The following TTC7B variants were observed in gnomAD, a reference collection of about 807,000 sequenced individuals.
TTC7B encodes the protein tetratricopeptide repeat protein 7B.
Under a neutral mutation model 106.8 loss-of-function variants are expected in TTC7B, and 28 were observed. The observed-to-expected ratio is 0.26, with a 90% confidence interval of 0.19 to 0.36. TTC7B has a LOEUF of 0.36. Ranked by LOEUF, TTC7B falls within the 10% of genes least tolerant of loss-of-function variation. TTC7B has a pLI of 1.00. For synonymous variants in TTC7B, 405 were observed against 430.6 expected, an observed-to-expected ratio of 0.94 and a Z score of 0.74; for missense variants, 862 against 1,076.4, an observed-to-expected ratio of 0.80 and a Z score of 2.79.
intron 1 of TTC7B, among the ~76,000 whole-genome samples, chr14:90,793,424 T>C (rs1376096956): frequency 6.7e-6 from 1 of 150,154 alleles, no homozygotes; most frequent in Non-Finnish European, 1.5e-5. Flanking sequence ...CTCAGGAGGC[T>C]GAGGCAGGAA....
chr14:90,597,377 G>C lies in TTC7B; in HGVS notation c.1967-3751C>G, dbSNP rs552993195. ...GCTGGTTAAAAAACAAACCAAGCAG[G>C]CCAGGCGCGGTGGCTCATGCCTGTA... On this transcript the variant is annotated intron_variant, in intron 17 of 19. Coordinates refer to ENST00000328459, the MANE Select transcript of TTC7B (RefSeq NM_001010854.2). Among the ~76,000 whole-genome samples the C allele has an allele frequency of 1.4e-4, 22 of 152,274 alleles. No homozygotes were observed. In the East Asian group the frequency reaches 2.3e-3, roughly 16 times the overall value.
chr14:90,653,745 T>C (rs896111277), intron 12 of TTC7B, among the ~76,000 whole-genome samples: 2 of 152,086 alleles, frequency 1.3e-5, no homozygotes, highest in Non-Finnish European at 2.9e-5. Context: ...CTGGAGACCA[T>C]GGCTAACTTA....
chr14:90,680,142 A>G (rs1197371831), intron 8 of TTC7B, among the ~76,000 whole-genome samples: 1 of 152,254 alleles, frequency 6.6e-6, no homozygotes, highest in African/African-American at 2.4e-5. Context: ...AGGTTCCTCC[A>G]GTGGTCATTT....
intron 1 of TTC7B, among the ~76,000 whole-genome samples, chr14:90,789,798 A>C (rs1891517781): frequency 6.6e-6 from 1 of 151,778 alleles, no homozygotes; most frequent in Non-Finnish European, 1.5e-5. Flanking sequence ...CGGGAGGCTG[A>C]GGCAGGAGAA....
intron 18 of TTC7B, among the ~76,000 whole-genome samples, chr14:90,583,322 A>G (rs1410946463): frequency 6.6e-6 from 1 of 152,252 alleles, no homozygotes; most frequent in Non-Finnish European, 1.5e-5. Flanking sequence ...ACAACTTAGT[A>G]GGTGCTCAAG....
intron 1 of TTC7B, among the ~76,000 whole-genome samples, chr14:90,792,218 T>A (rs1253559698): frequency 6.6e-6 from 1 of 152,146 alleles, no homozygotes; most frequent in African/African-American, 2.4e-5. Context: ...TTCTCTGATC[T>A]CCTGATGCTG....
intron 3 of TTC7B, among the ~76,000 whole-genome samples, chr14:90,771,901 A>C (rs892649255): frequency 6.1e-4 from 90 of 146,586 alleles, no homozygotes; most frequent in Admixed American, 1.0e-3. Context: ...ATATATATGT[A>C]TATATTTCTT....
At chr14:90,699,411 AG>A (rs1887896011) in intron 5 of TTC7B, 1 of 349,764 alleles carries the variant, frequency 2.9e-6, no homozygotes, top group Non-Finnish European at 5.5e-6. Flanking sequence ...TCTTGGGAGT[AG>A]GGTGGGAAAA....
chr14:90,718,033 T>C (rs542881789), intron 5 of TTC7B, among the ~76,000 whole-genome samples: 1 of 152,386 alleles, frequency 6.6e-6, no homozygotes, highest in African/African-American at 2.4e-5. Flanking sequence ...ACTCATGTGT[T>C]ATTTCAATGG....
rs1332217819 is a variant in TTC7B at position 90,608,442 on chromosome 14, C to T, written c.1966+2300G>A. ...CTCAGAAGGACTCGCGTGGATGACTCAACAATGAAACCGTCTGTGGCAGTG... is the reference window on the plus strand; with the variant it reads ...CTCAGAAGGACTCGCGTGGATGACTTAACAATGAAACCGTCTGTGGCAGTG... On this transcript the variant is annotated intron_variant, in intron 17 of 19. Coordinates refer to ENST00000328459, the MANE Select transcript of TTC7B (RefSeq NM_001010854.2). The surrounding 1 kb of genome is among the most constrained non-coding windows in gnomAD (Gnocchi z 5.1). Among the ~76,000 whole-genome samples the T allele has an allele frequency of 6.6e-6, 1 of 152,028 alleles. No individual in the cohort carries two copies. The highest frequency in any genetic ancestry group is 2.4e-5 in the African/African-American group (1 of 41,390).
chr14:90,798,163 G>T (rs1346275098), intron 1 of TTC7B, among the ~76,000 whole-genome samples: 1 of 152,156 alleles, frequency 6.6e-6, no homozygotes, highest in Non-Finnish European at 1.5e-5. Flanking sequence ...CCTGCTGAAC[G>T]ATAAAAGGCC....
chr14:90,639,790 A>C (rs1885093504), intron 15 of TTC7B, among the ~76,000 whole-genome samples: 1 of 152,190 alleles, frequency 6.6e-6, no homozygotes, highest in African/African-American at 2.4e-5. Flanking sequence ...ACAGTAGACT[A>C]AGTAAGGAAA....
At chr14:90,764,268 T>C (rs895146947) in intron 3 of TTC7B, among the ~76,000 whole-genome samples, 6 of 152,128 alleles carry the variant, frequency 3.9e-5, no homozygotes, top group African/African-American at 1.4e-4. Flanking sequence ...ACAAAAAGAA[T>C]GAAGTTGGAT....
At chr14:90,658,802 C>T (rs1886061034) in intron 9 of TTC7B, among the ~76,000 whole-genome samples, 1 of 152,232 alleles carries the variant, frequency 6.6e-6, no homozygotes, top group Non-Finnish European at 1.5e-5. Context: ...CCCAGCCCCA[C>T]TATGAGACAC....
At chr14:90,741,425 C>T (rs1049167171) in intron 4 of TTC7B, among the ~76,000 whole-genome samples, 2 of 152,290 alleles carry the variant, frequency 1.3e-5, no homozygotes, top group Non-Finnish European at 1.5e-5. Context: ...CAGGCCCCAG[C>T]GAGCAGAAGT....
At chr14:90,764,709 T>C (rs560652448) in intron 3 of TTC7B, among the ~76,000 whole-genome samples, 1 of 152,060 alleles carries the variant, frequency 6.6e-6, no homozygotes, top group African/African-American at 2.4e-5. Flanking sequence ...ACATGAAAAA[T>C]TGCTTAATAC....
chr14:90,803,129 C>T (rs375119032), intron 1 of TTC7B, among the ~76,000 whole-genome samples: 2 of 151,174 alleles, frequency 1.3e-5, no homozygotes, highest in African/African-American at 2.4e-5. Flanking sequence ...GGTGACAGAG[C>T]GAGACTCCGA....
chr14:90,690,476 C>T (rs1024226373), intron 6 of TTC7B, among the ~76,000 whole-genome samples: 1 of 152,104 alleles, frequency 6.6e-6, no homozygotes, highest in Non-Finnish European at 1.5e-5. Context: ...TAAAACAGTA[C>T]GATGTATAAT....
intron 7 of TTC7B, among the ~76,000 whole-genome samples, chr14:90,685,795 A>G (rs1887231189): frequency 6.6e-6 from 1 of 152,192 alleles, no homozygotes; most frequent in Admixed American, 6.5e-5. Context: ...TGATTCAAGA[A>G]GAAATAGAAA....
Sources: allele counts gnomAD v4.1 joint callset (sites outside exome capture counted in the v4.1 genomes callset), GRCh38; gene constraint gnomAD v4.1.1; non-coding constraint Gnocchi (gnomAD v3.1); transcripts MANE v1.5; gene names NCBI Gene and HGNC (gene_info 2026-07-23, HGNC 2026-07-21).